Variants in GRIN2A observed in about 807,000 individuals in gnomAD.
GRIN2A encodes glutamate receptor ionotropic, NMDA 2A.
GRIN2A carries 22 observed loss-of-function variants against 113.4 expected under a neutral mutation model. The ratio of observed to expected loss-of-function variants is 0.19; its 90% CI spans 0.14 to 0.28. GRIN2A has a LOEUF of 0.28. GRIN2A is among the 10% of genes least tolerant of loss of function. The probability of loss-of-function intolerance (pLI) is 1.00; values close to 1 mark genes in which losing one functional copy is unlikely to be tolerated. For synonymous variants in GRIN2A, 827 were observed against 738.4 expected, an observed-to-expected ratio of 1.12 and a Z score of -1.94; for missense variants, 1,502 against 1,887.0, an observed-to-expected ratio of 0.80 and a Z score of 3.78.
intron 2 of GRIN2A, among the ~76,000 whole-genome samples, chr16:10,137,971 A>C (rs2049236623): frequency 6.6e-6 from 1 of 152,208 alleles, no homozygotes; most frequent in Admixed American, 6.5e-5. Flanking sequence ...GGATGACAGA[A>C]AGAACCTTGG....
intron 11 of GRIN2A, among the ~76,000 whole-genome samples, chr16:9,775,764 G>C (rs144636724): frequency 7.4e-4 from 112 of 152,348 alleles, no homozygotes; most frequent in African/African-American, 2.7e-3. Context: ...TATTTTCTTA[G>C]TGGACCCAAG....
chr16:9,925,935 T>C (rs558489586), intron 3 of GRIN2A, among the ~76,000 whole-genome samples: 35 of 152,362 alleles, frequency 2.3e-4, no homozygotes, highest in Non-Finnish European at 2.2e-4. Flanking sequence ...ACCAAATACT[T>C]TACTACGTTA....
chr16:10,039,331 G>A (rs952810638), intron 2 of GRIN2A, among the ~76,000 whole-genome samples: 1 of 152,166 alleles, frequency 6.6e-6, no homozygotes, highest in Non-Finnish European at 1.5e-5. Context: ...GCGGGGGCAG[G>A]GATGAACTGC....
At chr16:9,892,933 GAAA>G (rs57666918) in intron 3 of GRIN2A, among the ~76,000 whole-genome samples, 26 of 96,596 alleles carry the variant, frequency 2.7e-4, no homozygotes, top group African/African-American at 7.2e-4. Flanking sequence ...GCTAAAAAGT[GAAA>G]AAAAAAAAAA....
chr16:10,104,607 T>C (rs1451452178), intron 2 of GRIN2A, among the ~76,000 whole-genome samples: 6 of 152,346 alleles, frequency 3.9e-5, no homozygotes, highest in Middle Eastern at 6.8e-3. Context: ...GTGTTCTCTA[T>C]GTGTATTTTT....
intron 2 of GRIN2A, among the ~76,000 whole-genome samples, chr16:9,959,820 A>G (rs568125810): frequency 1.5e-3 from 232 of 152,328 alleles, no homozygotes; most frequent in Non-Finnish European, 3.0e-3. Context: ...CTAAAAATAC[A>G]AAAACTACCT....
intron 2 of GRIN2A, among the ~76,000 whole-genome samples, chr16:9,953,728 TAG>T (rs1178831257): frequency 1.3e-5 from 2 of 151,232 alleles, no homozygotes; most frequent in African/African-American, 4.9e-5. Context: ...GCCACGGGAG[TAG>T]AGAGCTTGAA....
Position 9,782,406 on chromosome 16 carries a change from C to T in GRIN2A, c.2357-13317G>A, listed in dbSNP as rs1901989369. Among the ~76,000 whole-genome samples the T allele has an allele frequency of 2.6e-5, 4 of 152,288 alleles. No homozygotes were observed. In the South Asian group the frequency reaches 8.3e-4, roughly 32 times the overall value. Reference sequence around the variant, plus strand: ...TGTAGGAGACCCTCAAACCAATCCTCCACAATACTGAGGGACAACTGTATA... The same window carrying T: ...TGTAGGAGACCCTCAAACCAATCCTTCACAATACTGAGGGACAACTGTATA... On this transcript the variant is annotated intron_variant, in intron 11 of 12. Coordinates refer to ENST00000330684, the MANE Select transcript of GRIN2A (RefSeq NM_001134407.3).
chr16:9,838,522 C>T (rs957369757), intron 7 of GRIN2A, among the ~76,000 whole-genome samples: 2 of 152,120 alleles, frequency 1.3e-5, no homozygotes, highest in African/African-American at 2.4e-5. Context: ...TGGAGGCCAT[C>T]ATTCTAAATA....
chr16:10,083,468 A>G (rs534398760), intron 2 of GRIN2A, among the ~76,000 whole-genome samples: 5 of 152,334 alleles, frequency 3.3e-5, no homozygotes, highest in African/African-American at 1.2e-4. Context: ...TTGTATAGCT[A>G]CCTGATGCAG....
chr16:9,999,388 T>C (rs1038097940), intron 2 of GRIN2A, among the ~76,000 whole-genome samples: 2 of 152,204 alleles, frequency 1.3e-5, no homozygotes, highest in Non-Finnish European at 2.9e-5. Flanking sequence ...GTGGCACATA[T>C]ACACTATGGA....
At chr16:10,080,871 T>C (rs1013032658) in intron 2 of GRIN2A, among the ~76,000 whole-genome samples, 11 of 151,986 alleles carry the variant, frequency 7.2e-5, no homozygotes, top group Admixed American at 7.2e-4. Flanking sequence ...CCCAGCCACA[T>C]CTCCACCCTC....
At chr16:9,817,888 C>T (rs149179415) in intron 10 of GRIN2A, among the ~76,000 whole-genome samples, 2 of 152,182 alleles carry the variant, frequency 1.3e-5, no homozygotes, top group Admixed American at 6.5e-5. Context: ...TAAGTCAAGG[C>T]TTGCTGGATT....
chr16:10,062,247 T>C (rs2047562117), intron 2 of GRIN2A, among the ~76,000 whole-genome samples: 1 of 152,158 alleles, frequency 6.6e-6, no homozygotes, highest in Admixed American at 6.5e-5. Flanking sequence ...AGATTACAAC[T>C]ACTCACCCCT....
intron 7 of GRIN2A, among the ~76,000 whole-genome samples, chr16:9,836,690 T>A (rs2042588139): frequency 6.6e-6 from 1 of 152,220 alleles, no homozygotes; most frequent in Admixed American, 6.5e-5. Flanking sequence ...AGGGTTGCTA[T>A]TCTAAGATAC....
rs568838165 is a variant in GRIN2A, at chr16:9,898,517, A to G, written c.1008-7417T>C. Among the ~76,000 whole-genome samples the G allele has an allele frequency of 3.9e-5, 6 of 152,156 alleles. No individual in the cohort carries two copies. The South Asian group carries it at 1.2e-3, about 32-fold the overall frequency. ...TCTCTAGACATATTTATTATTCACT[A>G]TTTCCCCCTTAGACTTTAATTCTCT... On this transcript the variant is annotated intron_variant, in intron 3 of 12. Transcript: ENST00000330684.
At chr16:10,157,093 C>T (rs886827157) in intron 2 of GRIN2A, among the ~76,000 whole-genome samples, 9 of 152,054 alleles carry the variant, frequency 5.9e-5, no homozygotes, top group African/African-American at 9.7e-5. Flanking sequence ...ATGTCCAATG[C>T]GCCCCTTGAG....
chr16:9,901,050 G>A (rs779223628), intron 3 of GRIN2A, among the ~76,000 whole-genome samples: 2 of 152,160 alleles, frequency 1.3e-5, no homozygotes, highest in Non-Finnish European at 1.5e-5. Flanking sequence ...TTCAAGGTGC[G>A]ATTTTTATTT....
intron 4 of GRIN2A, among the ~76,000 whole-genome samples, chr16:9,863,484 C>T (rs543709332): frequency 5.9e-5 from 9 of 152,288 alleles, no homozygotes; most frequent in African/African-American, 2.2e-4. Flanking sequence ...ACAGAAAATA[C>T]CTCTAACAGC....
Sources: allele counts gnomAD v4.1 joint callset (sites outside exome capture counted in the v4.1 genomes callset), GRCh38; gene constraint gnomAD v4.1.1; transcripts MANE v1.5; gene names NCBI Gene and HGNC (gene_info 2026-07-23, HGNC 2026-07-21).